The following MSANTD5 variants were observed in gnomAD, a reference collection of about 807,000 sequenced individuals.
The protein encoded by MSANTD5 is Myb/SANT DNA binding domain containing 5.
intron 1 of MSANTD5, among the ~76,000 whole-genome samples, 175 bp downstream of exon 1, chr5:178,697,411 G>A (rs964024834): frequency 1.1e-4 from 17 of 152,088 alleles, no homozygotes; most frequent in African/African-American, 3.1e-4. Flanking sequence ...CCGGGATCGC[G>A]CCCCTGCACT....
downstream of MSANTD5, among the ~76,000 whole-genome samples, chr5:178,691,783 A>T (rs914814069): frequency 2.8e-4 from 38 of 137,276 alleles, 10 homozygotes; most frequent in Non-Finnish European, 5.6e-4. Flanking sequence ...AAATAGGCAT[A>T]CAACATGCTC....
rs534098439 is a variant in MSANTD5 at position 178,695,580 on chromosome 5, C to T, written c.110G>A (p.Trp37Ter). 1.1e-4 allele frequency: 17 copies of T among 152,260 alleles called. No homozygotes were observed. Among genetic ancestry groups the T allele is most frequent in the African/African-American group, 3.6e-4 (15 of 41,546 alleles). 9.4% of individuals were successfully genotyped at this position (152,260 alleles called of 1,614,324 possible). Residue 37 changes from tryptophan (W) to a stop codon, truncating the protein, a stop_gained, in exon 3 of 4, where the codon TGG (tryptophan) becomes TAG (stop). Transcript: ENST00000648368. LOFTEE classifies it high-confidence loss of function. ...GAAACTCCGGATTTCCTGGTCACTCCAAGGTTTAACTGACTGGACTGGAAG... is the reference window on the plus strand; with the variant it reads ...GAAACTCCGGATTTCCTGGTCACTCTAAGGTTTAACTGACTGGACTGGAAG...
chr5:178,699,252 G>A (rs886172015), upstream of MSANTD5, among the ~76,000 whole-genome samples: 18 of 152,256 alleles, frequency 1.2e-4, no homozygotes, highest in South Asian at 1.9e-3. Flanking sequence ...TGCACTCAGC[G>A]TGTTCACCCC....
intron 1 of MSANTD5, among the ~76,000 whole-genome samples, chr5:178,697,203 C>T (rs1765421688): frequency 6.6e-6 from 1 of 152,158 alleles, no homozygotes; most frequent in Non-Finnish European, 1.5e-5. Flanking sequence ...GCCTGTAATC[C>T]CAGCACTTTG....
At chr5:178,704,376 A>G in the MSANTD5 span, among the ~76,000 whole-genome samples, 14 of 152,282 alleles carry the variant, frequency 9.2e-5, no homozygotes, top group African/African-American at 3.4e-4. Flanking sequence ...TAGGATCCTT[A>G]CAGGAGTCCA....
At chr5:178,707,056 G>A in the MSANTD5 span, 2 of 152,166 alleles carry the variant, frequency 1.3e-5, no homozygotes, top group African/African-American at 4.8e-5. Context: ...TTCTCAGAAA[G>A]ATAAAAGTCA....
upstream of MSANTD5, among the ~76,000 whole-genome samples, chr5:178,699,973 G>A (rs7722768): frequency 0.44 from 63,703 of 144,690 alleles, 14,899 homozygotes; most frequent in Admixed American, 0.53. Flanking sequence ...TGGCTCTGGG[G>A]CAGCTTCAGA....
At chr5:178,693,528 G>A (rs183139347), downstream of MSANTD5, among the ~76,000 whole-genome samples, 6 of 152,114 alleles carry the variant, frequency 3.9e-5, no homozygotes, top group Admixed American at 1.3e-4. Context: ...CCTTCACCGC[G>A]GGTGTTATAG....
At chr5:178,702,092 A>C (rs970115414), upstream of MSANTD5, among the ~76,000 whole-genome samples, 1 of 151,208 alleles carries the variant, frequency 6.6e-6, no homozygotes, top group Non-Finnish European at 1.5e-5. Context: ...TAAAAAAAAA[A>C]AAAATAAAAA....
At chr5:178,704,797 T>C in the MSANTD5 span, among the ~76,000 whole-genome samples, 1 of 152,090 alleles carries the variant, frequency 6.6e-6, no homozygotes, top group African/African-American at 2.4e-5. Context: ...GGGATAGCAA[T>C]AAAGTGTCAG....
the MSANTD5 span, among the ~76,000 whole-genome samples, chr5:178,705,387 G>T: frequency 6.6e-6 from 1 of 152,072 alleles, no homozygotes; most frequent in Non-Finnish European, 1.5e-5. Flanking sequence ...CTGAGTCTCA[G>T]CACTTTCACT....
the MSANTD5 span, among the ~76,000 whole-genome samples, chr5:178,706,639 A>G: frequency 6.6e-6 from 1 of 151,968 alleles, no homozygotes; most frequent in East Asian, 1.9e-4. Context: ...CTTAGGTGAG[A>G]CAGGAAGGAT....
At chr5:178,698,303 T>A (rs1273422004), upstream of MSANTD5, among the ~76,000 whole-genome samples, 1 of 151,986 alleles carries the variant, frequency 6.6e-6, no homozygotes. Context: ...CAGAGGGATA[T>A]TGGAGGGTGG....
At chr5:178,697,255 C>T (rs1036791314) in intron 1 of MSANTD5, among the ~76,000 whole-genome samples, 3 of 149,774 alleles carry the variant, frequency 2.0e-5, no homozygotes, top group Non-Finnish European at 4.5e-5. Context: ...GAGATCGAGA[C>T]CATCCTGGCT....
At chr5:178,706,118 C>T in the MSANTD5 span, among the ~76,000 whole-genome samples, 11 of 152,208 alleles carry the variant, frequency 7.2e-5, no homozygotes, top group East Asian at 5.8e-4. Flanking sequence ...ATGCTTTTTC[C>T]GCCTGAAGAT....
chr5:178,706,661 G>A, the MSANTD5 span, among the ~76,000 whole-genome samples: 1 of 151,720 alleles, frequency 6.6e-6, no homozygotes, highest in African/African-American at 2.4e-5. Context: ...GAGAGAATGG[G>A]GAATGTCCTT....
the MSANTD5 span, among the ~76,000 whole-genome samples, chr5:178,707,376 C>T: frequency 2.6e-5 from 4 of 151,800 alleles, no homozygotes; most frequent in African/African-American, 4.8e-5. Flanking sequence ...ATGGATAGGA[C>T]ACCTTCTACA....
At chr5:178,702,301 C>CTTTTTTTTT (rs372575693), upstream of MSANTD5, among the ~76,000 whole-genome samples, 4 of 133,360 alleles carry the variant, frequency 3.0e-5, no homozygotes, top group African/African-American at 8.2e-5. Flanking sequence ...CTTTTTTTTT[C>CTTTTTTTTT]TTTTTTTTTT....
At chr5:178,698,628 G>A (rs1238998867), upstream of MSANTD5, among the ~76,000 whole-genome samples, 2 of 152,066 alleles carry the variant, frequency 1.3e-5, no homozygotes, top group Non-Finnish European at 1.5e-5. Flanking sequence ...TGCCCAGGCT[G>A]GGGTGCAGTG....
Sources: allele counts gnomAD v4.1 joint callset (sites outside exome capture counted in the v4.1 genomes callset), GRCh38; gene constraint gnomAD v4.1.1; transcripts MANE v1.5; gene names NCBI Gene and HGNC (gene_info 2026-07-23, HGNC 2026-07-21).